Variants in MOB4 observed in about 807,000 individuals in gnomAD.
MOB4 encodes MOB family member 4, phocein.
A neutral mutation model predicts 32.2 loss-of-function variants in MOB4; 4 were observed. The ratio of observed to expected loss-of-function variants is 0.12; its 90% confidence interval spans 0.06 to 0.28. The LOEUF (loss-of-function observed/expected upper bound fraction) is 0.28, where lower values mean the gene tolerates loss of function less well. Ranked by LOEUF, MOB4 falls within the 10% of genes least tolerant of loss-of-function variation. MOB4 has a pLI of 1.00. For missense variants in MOB4, 158 were observed against 271.2 expected, an observed-to-expected ratio of 0.58 and a Z score of 2.93; for synonymous variants, 88 against 88.1, an observed-to-expected ratio of 1.00 and a Z score of 0.01.
intron 2 of MOB4, among the ~76,000 whole-genome samples, chr2:197,524,696 C>T (rs1457692636): frequency 6.6e-6 from 1 of 151,708 alleles, no homozygotes; most frequent in Non-Finnish European, 1.5e-5. Flanking sequence ...TGCTGCCCAC[C>T]TTGAACTCCT....
At chr2:197,539,289 C>G (rs1366266521) in intron 3 of MOB4, among the ~76,000 whole-genome samples, 1 of 150,138 alleles carries the variant, frequency 6.7e-6, no homozygotes, top group Non-Finnish European at 1.5e-5. Context: ...CTGTCTAAAA[C>G]TGATGGCCTC....
At chr2:197,524,643 A>C (rs535422902) in intron 2 of MOB4, among the ~76,000 whole-genome samples, 1 of 152,090 alleles carries the variant, frequency 6.6e-6, no homozygotes, top group African/African-American at 2.4e-5. Context: ...CATTGGTTAA[A>C]TTTTTTTTGT....
chr2:197,526,349 G>A (rs975314784), intron 2 of MOB4, among the ~76,000 whole-genome samples: 7 of 151,586 alleles, frequency 4.6e-5, no homozygotes, highest in African/African-American at 1.7e-4. Flanking sequence ...AGACAGTCTC[G>A]CTCTGTCACC....
At chr2:197,523,217 G>A (rs570874305) in intron 1 of MOB4, among the ~76,000 whole-genome samples, 13 of 152,120 alleles carry the variant, frequency 8.5e-5, no homozygotes, top group African/African-American at 2.9e-4. Flanking sequence ...TATGGGAGCT[G>A]TATTTGAGGA....
chr2:197,540,510 A>C, intron 5 of MOB4, 73 bp downstream of exon 5: 1 of 1,384,948 alleles, frequency 7.2e-7, no homozygotes, highest in East Asian at 2.7e-5. Flanking sequence ...ATGTTAGACA[A>C]GTTTTTAGGG....
chr2:197,542,681 C>A (rs1208946545), intron 5 of MOB4, among the ~76,000 whole-genome samples: 1 of 152,150 alleles, frequency 6.6e-6, no homozygotes, highest in Non-Finnish European at 1.5e-5. Context: ...TGATCACTTG[C>A]AGTAGCATTA....
chr2:197,537,425 C>G (rs761541444), intron 3 of MOB4, among the ~76,000 whole-genome samples: 10 of 152,090 alleles, frequency 6.6e-5, no homozygotes, highest in Non-Finnish European at 1.5e-4. Context: ...TATGACTTTT[C>G]CTGAATAAAT....
intron 5 of MOB4, among the ~76,000 whole-genome samples, chr2:197,546,321 A>C (rs1248043332): frequency 6.6e-6 from 1 of 152,116 alleles, no homozygotes; most frequent in African/African-American, 2.4e-5. Flanking sequence ...TCGGCCTCCC[A>C]AAATGCTGGA....
At chr2:197,542,987 T>C (rs1428928544) in intron 5 of MOB4, among the ~76,000 whole-genome samples, 1 of 150,496 alleles carries the variant, frequency 6.6e-6, no homozygotes, top group East Asian at 2.0e-4. Flanking sequence ...AATTGAAATA[T>C]GCTGTAAACA....
chr2:197,526,284 A>G (rs1367024733), intron 2 of MOB4, among the ~76,000 whole-genome samples: 3 of 152,026 alleles, frequency 2.0e-5, no homozygotes, highest in South Asian at 2.1e-4. Flanking sequence ...TTCTGCACCT[A>G]TTGAGATGAT....
chr2:197,525,979 G>A (rs531575510), intron 2 of MOB4, among the ~76,000 whole-genome samples: 33 of 152,164 alleles, frequency 2.2e-4, no homozygotes, highest in East Asian at 3.9e-4. Context: ...TTCTACATAC[G>A]AGACCCATGT....
intron 3 of MOB4, among the ~76,000 whole-genome samples, chr2:197,536,185 T>G (rs148790660): frequency 4.0e-4 from 61 of 152,244 alleles, no homozygotes; most frequent in Non-Finnish European, 5.1e-4. Context: ...CTTTCTACAT[T>G]TATTCATTTG....
In MOB4 at chr2:197,544,236, T is replaced by G. The variant is rs1009023282; in HGVS notation, c.354+3799T>G. On this transcript the variant is annotated intron_variant, in intron 5 of 7. Transcript: ENST00000323303. The stretch of plus-strand genomic sequence containing the variant: ...ACAGGCGTGCACCACCATGCCAGGC[T>G]AATTTTTGTATTTTTAGTAGAGACG... Among the ~76,000 whole-genome samples the G allele has an allele frequency of 3.3e-5, 5 of 152,084 alleles. 1 individual carries two copies. Among genetic ancestry groups the G allele is most frequent in the African/African-American group, 1.2e-4 (5 of 41,428 alleles).
At chr2:197,526,356 C>T (rs2086611832) in intron 2 of MOB4, among the ~76,000 whole-genome samples, 1 of 152,078 alleles carries the variant, frequency 6.6e-6, no homozygotes, top group Non-Finnish European at 1.5e-5. Context: ...CTCGCTCTGT[C>T]ACCAGGCTGG....
chr2:197,539,242 C>T (rs1312075341), intron 3 of MOB4, among the ~76,000 whole-genome samples: 1 of 151,782 alleles, frequency 6.6e-6, no homozygotes, highest in Non-Finnish European at 1.5e-5. Context: ...TGTAAAACTA[C>T]CTTTGTGACA....
chr2:197,542,923 T>G (rs1343890962), intron 5 of MOB4, among the ~76,000 whole-genome samples: 2 of 152,268 alleles, frequency 1.3e-5, no homozygotes, highest in East Asian at 3.9e-4. Context: ...TACAGTGATG[T>G]GGTAACCCAT....
At chr2:197,516,849 T>G (rs1559311857) in intron 1 of MOB4, 1 of 403,038 alleles carries the variant, frequency 2.5e-6, no homozygotes, top group Non-Finnish European at 5.1e-6. Context: ...TGTGGTAAAT[T>G]GGTGCTTGAT....
intron 3 of MOB4, 102 bp from the exon 4 acceptor site, chr2:197,540,009 G>T: frequency 8.0e-7 from 1 of 1,250,752 alleles, no homozygotes; most frequent in Non-Finnish European, 1.1e-6. Flanking sequence ...GGTAATGAGG[G>T]AGGAGGGATG....
intron 2 of MOB4, among the ~76,000 whole-genome samples, chr2:197,528,783 T>C (rs1163768919): frequency 1.3e-5 from 2 of 150,248 alleles, no homozygotes; most frequent in East Asian, 3.9e-4. Flanking sequence ...CCCCGGCTAA[T>C]TTTTTTGTAT....
Sources: allele counts gnomAD v4.1 joint callset (sites outside exome capture counted in the v4.1 genomes callset), GRCh38; gene constraint gnomAD v4.1.1; transcripts MANE v1.5; gene names NCBI Gene and HGNC (gene_info 2026-07-23, HGNC 2026-07-21).